Variants in EIF2S1 observed in about 807,000 individuals in gnomAD.
EIF2S1 encodes eukaryotic translation initiation factor 2 subunit 1.
Under a neutral mutation model 33.5 loss-of-function variants are expected in EIF2S1, and 5 were observed. The observed-to-expected ratio is 0.15, with a 90% CI of 0.08 to 0.31. The LOEUF (loss-of-function observed/expected upper bound fraction) is 0.31. Among genes scored for constraint, EIF2S1 ranks in the 10% least tolerant of loss-of-function variants. The probability of loss-of-function intolerance (pLI) is 1.00; values close to 1 mark genes in which losing one functional copy is unlikely to be tolerated. For synonymous variants in EIF2S1, 99 were observed against 127.5 expected, an observed-to-expected ratio of 0.78 and a Z score of 1.51; for missense variants, 191 against 384.6, an observed-to-expected ratio of 0.50 and a Z score of 4.21.
chr14:67,365,201 A>T (rs1256992659), intron 2 of EIF2S1, among the ~76,000 whole-genome samples, 193 bp downstream of exon 2: 1 of 152,250 alleles, frequency 6.6e-6, no homozygotes, highest in Non-Finnish European at 1.5e-5. Context: ...TAGTTTAATT[A>T]GTACATCCTA....
intron 2 of EIF2S1, among the ~76,000 whole-genome samples, chr14:67,369,361 A>T (rs577448759): frequency 1.3e-5 from 2 of 152,254 alleles, no homozygotes; most frequent in Non-Finnish European, 2.9e-5. Flanking sequence ...AGAGTTCAAA[A>T]TATAAAGCAG....
At position 67,383,483 on chromosome 14, in the gene EIF2S1, G is replaced by A. The variant is rs1377622166; in HGVS notation, c.*43G>A. 3.1e-6 allele frequency: 5 copies of A among 1,607,156 alleles called. No individual in the cohort carries two copies. Among genetic ancestry groups the A allele is most frequent in the East Asian group, 2.2e-5 (1 of 44,576 alleles). On this transcript the variant is annotated 3_prime_UTR_variant, in exon 8 of 8. Coordinates refer to ENST00000256383, the MANE Select transcript of EIF2S1 (RefSeq NM_004094.5). Reference sequence around the variant, plus strand: ...TCCAATTTAAGGAACACAGAGCAGCGCTTCCTGGCTGTAAATCCTAGACTT... The same window carrying A: ...TCCAATTTAAGGAACACAGAGCAGCACTTCCTGGCTGTAAATCCTAGACTT...
chr14:67,383,514 T>C lies in EIF2S1; in HGVS notation c.*74T>C. ...TGGCTGTAAATCCTAGACTTGAAAG[T>C]TTTCCAGTATTGAAAACTTCAAAGC... On this transcript the variant is annotated 3_prime_UTR_variant, in exon 8 of 8. Transcript: ENST00000256383. The C allele has an allele frequency of 6.3e-7, 1 of 1,582,730 alleles. No individual in the cohort carries two copies. The highest frequency in any genetic ancestry group is 8.6e-7 in the Non-Finnish European group (1 of 1,160,648).
intron 4 of EIF2S1, among the ~76,000 whole-genome samples, chr14:67,377,640 C>G (rs1298535691): frequency 6.6e-6 from 1 of 152,204 alleles, no homozygotes; most frequent in Non-Finnish European, 1.5e-5. Context: ...CTATGCCCAG[C>G]TGCTGCTCAG....
intron 2 of EIF2S1, among the ~76,000 whole-genome samples, chr14:67,368,880 A>G (rs1022230537): frequency 2.0e-5 from 3 of 152,210 alleles, no homozygotes; most frequent in Admixed American, 6.5e-5. Context: ...AAAATACAAA[A>G]TACACTATTG....
At chr14:67,361,416 T>C (rs1246336826) in intron 1 of EIF2S1, among the ~76,000 whole-genome samples, 4 of 152,228 alleles carry the variant, frequency 2.6e-5, no homozygotes, top group Non-Finnish European at 1.5e-5. Context: ...AGAGATTCGG[T>C]GATAACTTTC....
intron 4 of EIF2S1, among the ~76,000 whole-genome samples, chr14:67,377,204 G>C (rs568811250): frequency 8.5e-5 from 13 of 152,076 alleles, no homozygotes; most frequent in Non-Finnish European, 1.8e-4. Context: ...TGCCATTATT[G>C]TGAGCTTTTG....
chr14:67,382,876 A>G (rs1325747450), intron 7 of EIF2S1, among the ~76,000 whole-genome samples: 1 of 151,694 alleles, frequency 6.6e-6, no homozygotes, highest in Non-Finnish European at 1.5e-5. Context: ...TCCTTGTCCA[A>G]CAAGAAAGAA....
chr14:67,372,776 G>A (rs774077761), intron 2 of EIF2S1, among the ~76,000 whole-genome samples: 119 of 151,740 alleles, frequency 7.8e-4, no homozygotes, highest in Non-Finnish European at 1.3e-3. Context: ...TGCAGTGAGC[G>A]GAGATTGCCC....
intron 2 of EIF2S1, among the ~76,000 whole-genome samples, chr14:67,372,947 GAA>G (rs2085833259): frequency 6.6e-6 from 1 of 152,100 alleles, no homozygotes; most frequent in Non-Finnish European, 1.5e-5. Flanking sequence ...ATATGCACAT[GAA>G]AAGATGTTGA....
At chr14:67,361,748 A>G (rs1339129473) in intron 1 of EIF2S1, among the ~76,000 whole-genome samples, 1 of 152,254 alleles carries the variant, frequency 6.6e-6, no homozygotes, top group Non-Finnish European at 1.5e-5. Flanking sequence ...ATCAGAACAC[A>G]TAAGAGTATT....
At chr14:67,368,052 T>G (rs2085792147) in intron 2 of EIF2S1, among the ~76,000 whole-genome samples, 1 of 152,192 alleles carries the variant, frequency 6.6e-6, no homozygotes, top group South Asian at 2.1e-4. Context: ...AAGAAAACTT[T>G]TACTACTTAT....
chr14:67,363,592 A>G (rs1160108084), intron 1 of EIF2S1, among the ~76,000 whole-genome samples: 1 of 152,196 alleles, frequency 6.6e-6, no homozygotes, highest in Non-Finnish European at 1.5e-5. Context: ...TGTTAGCAGT[A>G]TGTGAAAGAA....
intron 2 of EIF2S1, 127 bp downstream of exon 2, chr14:67,365,135 T>C: frequency 9.6e-7 from 1 of 1,037,710 alleles, no homozygotes; most frequent in South Asian, 1.9e-5. Flanking sequence ...ACCTTTTACA[T>C]ACAAAGTTGT....
chr14:67,366,862 C>CT (rs1228048599), intron 2 of EIF2S1, among the ~76,000 whole-genome samples: 37 of 138,046 alleles, frequency 2.7e-4, no homozygotes, highest in African/African-American at 8.0e-4. Flanking sequence ...TGTTTTACAC[C>CT]TTTTTTTTTG....
chr14:67,380,251 C>T (rs1054357701), intron 4 of EIF2S1, among the ~76,000 whole-genome samples: 1 of 152,186 alleles, frequency 6.6e-6, no homozygotes, highest in African/African-American at 2.4e-5. Context: ...CCCTTCCTGA[C>T]CTCATTAACT....
intron 1 of EIF2S1, among the ~76,000 whole-genome samples, chr14:67,361,990 T>A (rs1052780509): frequency 2.0e-5 from 3 of 152,048 alleles, no homozygotes; most frequent in Non-Finnish European, 2.9e-5. Context: ...TATACTTAAT[T>A]ACTTAGGTAA....
At chr14:67,376,392 A>G (rs1386395666) in intron 3 of EIF2S1, 47 bp from the exon 4 acceptor site, 8 of 1,512,426 alleles carry the variant, frequency 5.3e-6, no homozygotes, top group Non-Finnish European at 7.1e-6. Context: ...AACATTTTTT[A>G]TAAATCTCTT....
chr14:67,362,229 A>G (rs2085747372), intron 1 of EIF2S1, among the ~76,000 whole-genome samples: 1 of 151,954 alleles, frequency 6.6e-6, no homozygotes, highest in Non-Finnish European at 1.5e-5. Context: ...CATGTTGACC[A>G]GGCTGGCCTC....
Sources: allele counts gnomAD v4.1 joint callset (sites outside exome capture counted in the v4.1 genomes callset), GRCh38; gene constraint gnomAD v4.1.1; transcripts MANE v1.5; gene names NCBI Gene and HGNC (gene_info 2026-07-23, HGNC 2026-07-21).